RFX3: variants seen among roughly 807,000 people sequenced by gnomAD.
RFX3 encodes regulatory factor X3, also known as transcription factor RFX3.
A neutral mutation model predicts 98.6 loss-of-function variants in RFX3; 14 were observed. The ratio of observed to expected loss-of-function variants is 0.14; its 90% CI spans 0.09 to 0.22. The LOEUF (loss-of-function observed/expected upper bound fraction) is 0.22, where lower values mean the gene tolerates loss of function less well. RFX3 is among the 10% of genes least tolerant of loss of function. The pLI is 1.00. For synonymous variants in RFX3, 383 were observed against 328.4 expected, an observed-to-expected ratio of 1.17 and a Z score of -1.80; for missense variants, 639 against 926.9, an observed-to-expected ratio of 0.69 and a Z score of 4.03.
chr9:3,466,668 C>T (rs888409545), intron 1 of RFX3, among the ~76,000 whole-genome samples: 6 of 151,860 alleles, frequency 4.0e-5, no homozygotes, highest in Non-Finnish European at 8.8e-5. Context: ...TTTGAAAATA[C>T]CAAGAGATTC....
chr9:3,431,511 G>T (rs1844654143), intron 1 of RFX3, among the ~76,000 whole-genome samples: 1 of 152,094 alleles, frequency 6.6e-6, no homozygotes, highest in Non-Finnish European at 1.5e-5. Flanking sequence ...ACGCCAACAG[G>T]TATGAAAACC....
chr9:3,253,634 C>A (rs1389523099), intron 14 of RFX3, among the ~76,000 whole-genome samples: 1 of 152,122 alleles, frequency 6.6e-6, no homozygotes, highest in Non-Finnish European at 1.5e-5. Context: ...CAGAGCAGAA[C>A]CTCTTTGTAG....
At chr9:3,522,368 T>A (rs1270975104) in intron 1 of RFX3, among the ~76,000 whole-genome samples, 2 of 152,176 alleles carry the variant, frequency 1.3e-5, no homozygotes, top group Non-Finnish European at 2.9e-5. Flanking sequence ...TGAAAACTGT[T>A]TTTAAGGTAA....
chr9:3,354,847 T>C (rs992705015), intron 2 of RFX3, among the ~76,000 whole-genome samples: 6 of 151,902 alleles, frequency 3.9e-5, no homozygotes, highest in Non-Finnish European at 8.8e-5. Flanking sequence ...TGTAAAAAGT[T>C]ATAGGGATTT....
At chr9:3,383,523 T>C (rs990259494) in intron 2 of RFX3, among the ~76,000 whole-genome samples, 2 of 151,862 alleles carry the variant, frequency 1.3e-5, no homozygotes, top group African/African-American at 4.8e-5. Context: ...TGAAGTCAGA[T>C]GACTTGAGAA....
At chr9:3,285,951 T>G (rs1456741411) in intron 7 of RFX3, among the ~76,000 whole-genome samples, 1 of 149,646 alleles carries the variant, frequency 6.7e-6, no homozygotes, top group Non-Finnish European at 1.5e-5. Flanking sequence ...GTAACTCAGG[T>G]TTTTTTTATA....
rs1447434198 is a variant in RFX3 at position 3,466,839 on chromosome 9, T to A, written c.-9+58908A>T. Among the ~76,000 whole-genome samples the A allele has an allele frequency of 1.3e-5, 2 of 151,742 alleles. 1 individual carries two copies. The highest frequency in any genetic ancestry group is 3.9e-4 in the East Asian group (2 of 5,194). On this transcript the variant is annotated intron_variant, in intron 1 of 16. Transcript: ENST00000617270. ...ATAAGTTTCTATCCCTGAAACAGAA[T>A]AATCCAGTTTACTACCATCCTTGGA...
At chr9:3,509,026 T>C (rs571738139) in intron 1 of RFX3, among the ~76,000 whole-genome samples, 14 of 151,558 alleles carry the variant, frequency 9.2e-5, no homozygotes, top group South Asian at 2.1e-4. Flanking sequence ...AGACAAAATC[T>C]TGGTAATTAC....
chr9:3,486,526 G>A (rs1850290497), intron 1 of RFX3, among the ~76,000 whole-genome samples: 1 of 152,030 alleles, frequency 6.6e-6, no homozygotes, highest in East Asian at 1.9e-4. Context: ...GCCCTTTTCA[G>A]TGTCTCTCCA....
chr9:3,368,385 T>G (rs1837445181), intron 2 of RFX3, among the ~76,000 whole-genome samples: 2 of 152,096 alleles, frequency 1.3e-5, no homozygotes, highest in African/African-American at 4.8e-5. Flanking sequence ...ATGACATTTT[T>G]AAAACAAAAG....
rs1817320945 is a variant in RFX3 at position 3,221,118 on chromosome 9, G to C, written c.*3924C>G. On this transcript the variant is annotated 3_prime_UTR_variant, in exon 17 of 17. Coordinates refer to ENST00000617270, the MANE Select transcript of RFX3 (RefSeq NM_001282116.2). The stretch of plus-strand genomic sequence containing the variant: ...ACCACTGCCTCAAATTGTACACAAA[G>C]GTGACTTGCCAAGTTTTTTCTTTCT... 1 of 152,088 alleles carries C rather than the reference G, an allele frequency of 6.6e-6. No homozygotes were observed. The highest frequency in any genetic ancestry group is 2.1e-4 in the South Asian group (1 of 4,824). The allele number at this position is 152,088 out of a possible 1,614,324, so 9.4% of individuals were successfully genotyped here.
intron 1 of RFX3, among the ~76,000 whole-genome samples, chr9:3,411,250 A>G (rs138328407): frequency 0.01 from 1,528 of 152,316 alleles, 33 homozygotes; most frequent in African/African-American, 0.035. Flanking sequence ...TTCTTTTTCA[A>G]TTAAGACAGC....
chr9:3,518,089 G>T (rs1818349058), intron 1 of RFX3, among the ~76,000 whole-genome samples: 2 of 152,160 alleles, frequency 1.3e-5, no homozygotes, highest in South Asian at 4.1e-4. Context: ...ATGCTACGCA[G>T]GTTTATAGAC....
At position 3,467,030 on chromosome 9, in the gene RFX3, A is replaced by T. The variant is rs573925089; in HGVS notation, c.-9+58717T>A. 6.1e-4 allele frequency among the ~76,000 whole-genome samples: 54 copies of T among 88,838 alleles called. 1 individual carries two copies. Among genetic ancestry groups the T allele is most frequent in the African/African-American group, 5.7e-3 (48 of 8,384 alleles). 58.3% of individuals were successfully genotyped at this position (88,838 alleles called of 152,430 possible). On this transcript the variant is annotated intron_variant, in intron 1 of 16. Coordinates refer to ENST00000617270, the MANE Select transcript of RFX3 (RefSeq NM_001282116.2). ...CTGATATACCTAAATCTAAAGAATT[A>T]TATATATATATATATATGTATATAC...
chr9:3,442,455 A>T (rs973340711), intron 1 of RFX3, among the ~76,000 whole-genome samples: 1 of 152,188 alleles, frequency 6.6e-6, no homozygotes, highest in Admixed American at 6.5e-5. Flanking sequence ...TAAAAAAATA[A>T]GGGAAGACAG....
rs71324242 is a variant in RFX3 at position 3,361,661 on chromosome 9, GAAAAAAAAAAA to G, written c.118-14908_118-14898del. Among the ~76,000 whole-genome samples, 9 of 87,798 alleles carry G rather than the reference GAAAAAAAAAAA, an allele frequency of 1.0e-4. 1 individual carries two copies. The highest frequency in any genetic ancestry group is 3.9e-4 in the Admixed American group (3 of 7,692). 57.6% of individuals were successfully genotyped at this position (87,798 alleles called of 152,430 possible). On this transcript the variant is annotated intron_variant, in intron 2 of 16. Transcript: ENST00000617270. ...ACATAGTGAGACCTTGTTTCTTTAG[GAAAAAAAAAAA>G]AAAAAAAAAAGTAAAATAAATTGCA...
chr9:3,386,261 AT>A (rs924108374), intron 2 of RFX3, among the ~76,000 whole-genome samples: 65 of 151,700 alleles, frequency 4.3e-4, no homozygotes, highest in African/African-American at 9.7e-4. Context: ...AAAACTCCAA[AT>A]TTTTTTTTAG....
intron 2 of RFX3, among the ~76,000 whole-genome samples, chr9:3,365,712 G>T (rs1165378144): frequency 6.6e-6 from 1 of 151,932 alleles, no homozygotes; most frequent in African/African-American, 2.4e-5. Flanking sequence ...AGACAACAAA[G>T]AAATAATCCA....
chr9:3,279,323 A>G (rs1218726008), intron 7 of RFX3, among the ~76,000 whole-genome samples: 3 of 151,876 alleles, frequency 2.0e-5, no homozygotes, highest in Admixed American at 6.6e-5. Flanking sequence ...ATAGCCTAAA[A>G]TTGTTTAACC....
Sources: gnomAD v4.1 joint callset for allele counts (sites outside exome capture counted in the v4.1 genomes callset) on GRCh38, gnomAD v4.1.1 for gene constraint, MANE v1.5 for transcripts, NCBI Gene and HGNC (gene_info 2026-07-23, HGNC 2026-07-21) for gene names.